GRID2: variants seen among roughly 807,000 people sequenced by gnomAD.
GRID2 encodes the protein glutamate ionotropic receptor delta type subunit 2, also known as glutamate receptor ionotropic, delta-2.
A neutral mutation model predicts 114.8 loss-of-function variants in GRID2; 33 were observed. The ratio of observed to expected loss-of-function variants is 0.29; its 90% CI spans 0.22 to 0.38. GRID2 has a LOEUF of 0.38. Ranked by LOEUF, GRID2 falls within the 10% of genes least tolerant of loss-of-function variation. GRID2 has a pLI of 1.00. For missense variants in GRID2, 1,184 were observed against 1,257.7 expected (o/e 0.94, Z 0.89); for synonymous variants, 505 against 449.9 (o/e 1.12, Z -1.55).
At chr4:93,292,933 G>A (rs528086406) in intron 8 of GRID2, among the ~76,000 whole-genome samples, 3 of 152,092 alleles carry the variant, frequency 2.0e-5, no homozygotes, top group Admixed American at 1.3e-4. Context: ...TAACAGCCCC[G>A]GAGATGTCCA....
chr4:92,695,770 G>A (rs1734397919), intron 2 of GRID2, among the ~76,000 whole-genome samples: 2 of 151,920 alleles, frequency 1.3e-5, no homozygotes, highest in South Asian at 4.1e-4. Context: ...TACATTAGGG[G>A]AACTGGCTTG....
At chr4:92,965,592 C>T (rs1190617481) in intron 2 of GRID2, among the ~76,000 whole-genome samples, 1 of 150,398 alleles carries the variant, frequency 6.6e-6, no homozygotes, top group East Asian at 2.0e-4. Context: ...GTTTACCTTG[C>T]AATCTCACTT....
At chr4:93,554,151 C>A (rs1734067622) in intron 13 of GRID2, among the ~76,000 whole-genome samples, 1 of 152,088 alleles carries the variant, frequency 6.6e-6, no homozygotes, top group Non-Finnish European at 1.5e-5. Flanking sequence ...AAAATTACCA[C>A]TATGAATGGA....
At chr4:93,227,994 C>A (rs1002483743) in intron 7 of GRID2, among the ~76,000 whole-genome samples, 5 of 152,198 alleles carry the variant, frequency 3.3e-5, no homozygotes, top group African/African-American at 1.2e-4. Context: ...GTTCTTAAAG[C>A]TCTATTCACA....
chr4:93,156,476 A>G (rs1175244413), intron 4 of GRID2, among the ~76,000 whole-genome samples: 1 of 151,806 alleles, frequency 6.6e-6, no homozygotes, highest in Non-Finnish European at 1.5e-5. Context: ...CTCAAATGTC[A>G]TAGCTGATAG....
intron 2 of GRID2, among the ~76,000 whole-genome samples, chr4:93,039,160 C>T (rs1420516234): frequency 6.6e-6 from 1 of 152,218 alleles, no homozygotes; most frequent in East Asian, 1.9e-4. Flanking sequence ...GAGTTCATGT[C>T]CTTTGCAGGA....
At chr4:93,744,376 T>A (rs1731670322) in intron 14 of GRID2, among the ~76,000 whole-genome samples, 1 of 152,176 alleles carries the variant, frequency 6.6e-6, no homozygotes, top group Non-Finnish European at 1.5e-5. Context: ...TACACCATAA[T>A]CTTCAGGATT....
intron 1 of GRID2, among the ~76,000 whole-genome samples, chr4:92,435,509 AGTCT>A (rs1209391684): frequency 6.6e-6 from 1 of 152,158 alleles, no homozygotes; most frequent in Non-Finnish European, 1.5e-5. Context: ...ACCCTACTTG[AGTCT>A]GTCTGGAATG....
chr4:93,290,872 C>CA (rs770889427), intron 8 of GRID2, among the ~76,000 whole-genome samples: 76 of 88,532 alleles, frequency 8.6e-4, no homozygotes, highest in African/African-American at 3.3e-3. Flanking sequence ...ATACAAGTTA[C>CA]TTTTTTTTTT....
At chr4:93,566,185 T>C (rs1465333157) in intron 13 of GRID2, among the ~76,000 whole-genome samples, 1 of 152,184 alleles carries the variant, frequency 6.6e-6, no homozygotes. Flanking sequence ...GGATACAGGA[T>C]ACTACTCAAC....
At chr4:92,688,223 T>G (rs1296480750) in intron 2 of GRID2, among the ~76,000 whole-genome samples, 2 of 151,304 alleles carry the variant, frequency 1.3e-5, no homozygotes, top group East Asian at 2.0e-4. Flanking sequence ...CTAATTTTGA[T>G]TTTTTTAGTA....
chr4:93,212,488 G>T (rs1743654726), intron 5 of GRID2, among the ~76,000 whole-genome samples: 1 of 152,098 alleles, frequency 6.6e-6, no homozygotes, highest in African/African-American at 2.4e-5. Context: ...GCCTTTCCGT[G>T]CAAGTATTGT....
intron 13 of GRID2, among the ~76,000 whole-genome samples, chr4:93,551,090 G>T (rs1178228220): frequency 3.9e-4 from 59 of 152,120 alleles, no homozygotes; most frequent in Admixed American, 3.9e-3. Flanking sequence ...TTAATATCAA[G>T]CTATCTATGT....
intron 14 of GRID2, among the ~76,000 whole-genome samples, chr4:93,766,782 G>A (rs1369950548): frequency 1.3e-5 from 2 of 152,142 alleles, no homozygotes; most frequent in Non-Finnish European, 2.9e-5. Flanking sequence ...CATAAGGGAT[G>A]TGCCATTATT....
intron 2 of GRID2, among the ~76,000 whole-genome samples, chr4:92,628,259 C>T (rs1579716008): frequency 6.6e-6 from 1 of 152,116 alleles, no homozygotes; most frequent in Non-Finnish European, 1.5e-5. Context: ...TTATTTTCTC[C>T]AGAGAGCATT....
rs575805597 is a variant in GRID2 at position 92,964,439 on chromosome 4, G to T, written c.245-120556G>T. On this transcript the variant is annotated intron_variant, in intron 2 of 15. Coordinates refer to ENST00000282020, the MANE Select transcript of GRID2 (RefSeq NM_001510.4). ...AGCATTAGAACAAATGTACATGGGGGTTAAAGCCTAGATGACAGGTTGATG... is the reference window on the plus strand; with the variant it reads ...AGCATTAGAACAAATGTACATGGGGTTTAAAGCCTAGATGACAGGTTGATG... Among the ~76,000 whole-genome samples the T allele has an allele frequency of 3.2e-4, 48 of 152,050 alleles. No homozygotes were observed. The East Asian group carries it at 9.1e-3, about 29-fold the overall frequency.
chr4:93,171,330 C>G (rs989591892), intron 4 of GRID2, among the ~76,000 whole-genome samples: 18 of 152,138 alleles, frequency 1.2e-4, no homozygotes, highest in African/African-American at 4.1e-4. Context: ...GCATGGCTCA[C>G]TCCCTCACTC....
chr4:93,476,652 A>G (rs1238963233), intron 11 of GRID2, among the ~76,000 whole-genome samples: 1 of 152,130 alleles, frequency 6.6e-6, no homozygotes, highest in East Asian at 1.9e-4. Context: ...TGGAACAGAT[A>G]TAAGAGCGTG....
intron 2 of GRID2, among the ~76,000 whole-genome samples, chr4:92,917,500 C>T (rs537609705): frequency 1.5e-4 from 23 of 152,222 alleles, no homozygotes; most frequent in African/African-American, 4.3e-4. Context: ...TTAGGTCTAA[C>T]GTTTAAGTCT....
Sources: allele counts gnomAD v4.1 joint callset (sites outside exome capture counted in the v4.1 genomes callset), GRCh38; gene constraint gnomAD v4.1.1; transcripts MANE v1.5; gene names NCBI Gene and HGNC (gene_info 2026-07-23, HGNC 2026-07-21).